DIS3L2: variants seen among roughly 807,000 people sequenced by gnomAD.
The protein encoded by DIS3L2 is DIS3 like 3'-5' exoribonuclease 2, also known as DIS3-like exonuclease 2.
Under a neutral mutation model 97.5 loss-of-function variants are expected in DIS3L2, and 34 were observed. The observed-to-expected ratio is 0.35, with a 90% CI of 0.27 to 0.46. The LOEUF is 0.46. DIS3L2 is among the 20% of genes least tolerant of loss of function. The pLI, the probability that DIS3L2 is intolerant of heterozygous loss-of-function variation, is 1.00. For synonymous variants in DIS3L2, 435 were observed against 445.2 expected, an observed-to-expected ratio of 0.98 and a Z score of 0.29; for missense variants, 1,038 against 1,146.0, an observed-to-expected ratio of 0.91 and a Z score of 1.36.
intron 8 of DIS3L2, among the ~76,000 whole-genome samples, chr2:232,153,709 G>A (rs1382205620): frequency 7.0e-6 from 1 of 143,206 alleles, no homozygotes; most frequent in Non-Finnish European, 1.5e-5. Context: ...GAGTATCTTT[G>A]TGGCGTTCTC....
At chr2:231,999,475 T>C (rs1356765531) in intron 1 of DIS3L2, among the ~76,000 whole-genome samples, 2 of 152,240 alleles carry the variant, frequency 1.3e-5, no homozygotes, top group Non-Finnish European at 2.9e-5. Context: ...TTATAAACCA[T>C]TGAGTTATAC....
At position 232,195,395 on chromosome 2, in the gene DIS3L2, A is replaced by G. The variant is rs532207186; in HGVS notation, c.1125-14931A>G. Among the ~76,000 whole-genome samples the G allele has an allele frequency of 7.2e-5, 11 of 152,302 alleles. No individual in the cohort carries two copies. The East Asian group carries it at 2.1e-3, about 29-fold the overall frequency. On this transcript the variant is annotated intron_variant, in intron 9 of 20. Coordinates refer to ENST00000325385, the MANE Select transcript of DIS3L2 (RefSeq NM_152383.5). ...CAGGTAGAGTTTTATTATTTCTCAAATCAGCCTCCCTGAAAATTCAGAGGC... is the reference window on the plus strand; with the variant it reads ...CAGGTAGAGTTTTATTATTTCTCAAGTCAGCCTCCCTGAAAATTCAGAGGC...
At chr2:232,234,719 T>A (rs77100339) in intron 10 of DIS3L2, among the ~76,000 whole-genome samples, 2,408 of 152,352 alleles carry the variant, frequency 0.016, 26 homozygotes, top group Middle Eastern at 0.044. Context: ...CCTCACTGAT[T>A]GCAGTTCAGC....
intron 5 of DIS3L2, among the ~76,000 whole-genome samples, chr2:232,048,257 T>G (rs1695297421): frequency 6.6e-6 from 1 of 152,248 alleles, no homozygotes; most frequent in African/African-American, 2.4e-5. Flanking sequence ...TAGTCCACTA[T>G]ATGAGCAGCA....
chr2:232,099,851 T>G (rs754440956), intron 6 of DIS3L2, among the ~76,000 whole-genome samples: 1 of 152,234 alleles, frequency 6.6e-6, no homozygotes, highest in Non-Finnish European at 1.5e-5. Context: ...CATGTAGATA[T>G]TCCTAATGCT....
chr2:232,313,302 T>C (rs1415009001), intron 14 of DIS3L2, among the ~76,000 whole-genome samples: 3 of 152,230 alleles, frequency 2.0e-5, no homozygotes, highest in Admixed American at 1.3e-4. Context: ...TTTTTAAGTT[T>C]TAAGTGGTGA....
At chr2:232,076,838 T>A (rs1214066167) in intron 5 of DIS3L2, among the ~76,000 whole-genome samples, 1 of 152,240 alleles carries the variant, frequency 6.6e-6, no homozygotes, top group East Asian at 1.9e-4. Context: ...GCCAGCTTTT[T>A]AGATTACATC....
intron 1 of DIS3L2, among the ~76,000 whole-genome samples, chr2:232,013,926 A>G (rs1241177753): frequency 6.6e-6 from 1 of 152,232 alleles, no homozygotes; most frequent in African/African-American, 2.4e-5. Context: ...TTAAAGAGAA[A>G]TTACATCATT....
In DIS3L2 at chr2:232,087,476, GT is replaced by G. The variant is rs758477681; in HGVS notation, c.367-7del. ...CTCAGTGATTTAGCAGAATTTTTCT[GT>G]TTTCTTTAGGTAGTTAAACCAGAGA... On this transcript the variant is annotated splice_polypyrimidine_tract_variant and intron_variant, in intron 5 of 20. Transcript: ENST00000325385. 6.5e-7 allele frequency: 1 copy of G among 1,535,200 alleles called. No homozygotes were observed. The highest frequency in any genetic ancestry group is 1.3e-5 in the South Asian group (1 of 78,556).
At chr2:231,994,799 T>C (rs1448535461) in intron 1 of DIS3L2, among the ~76,000 whole-genome samples, 1 of 151,652 alleles carries the variant, frequency 6.6e-6, no homozygotes, top group African/African-American at 2.4e-5. Context: ...TTTTCTTTTT[T>C]TCTTTCATTC....
intron 13 of DIS3L2, among the ~76,000 whole-genome samples, chr2:232,294,854 T>C (rs972168991): frequency 6.6e-6 from 1 of 152,340 alleles, no homozygotes; most frequent in Non-Finnish European, 1.5e-5. Context: ...GCGTGAGAGA[T>C]GCTTAGGACA....
At chr2:232,014,535 GT>G (rs1694300059) in intron 1 of DIS3L2, among the ~76,000 whole-genome samples, 1 of 152,014 alleles carries the variant, frequency 6.6e-6, no homozygotes, top group Non-Finnish European at 1.5e-5. Flanking sequence ...TTATATTTTT[GT>G]GCATTTCACA....
chr2:232,252,350 G>A (rs1242200491), intron 12 of DIS3L2, among the ~76,000 whole-genome samples: 1 of 152,064 alleles, frequency 6.6e-6, no homozygotes, highest in Non-Finnish European at 1.5e-5. Flanking sequence ...TGGAGGTTGC[G>A]GTGAGCTGAG....
chr2:232,189,087 C>G (rs925385586), intron 9 of DIS3L2, among the ~76,000 whole-genome samples: 2 of 152,028 alleles, frequency 1.3e-5, no homozygotes, highest in Admixed American at 1.3e-4. Flanking sequence ...TAAGCAATAC[C>G]AAGTGCTGGC....
rs1198264342 is a variant in DIS3L2, at chr2:232,268,584, A to G, written c.1659+5144A>G. Among the ~76,000 whole-genome samples, 1 of 152,230 alleles carries G rather than the reference A, an allele frequency of 6.6e-6. No homozygotes were observed. The highest frequency in any genetic ancestry group is 6.5e-5 in the Admixed American group (1 of 15,280). On this transcript the variant is annotated intron_variant, in intron 13 of 20. Transcript: ENST00000325385. The surrounding 1 kb of genome is among the most constrained non-coding windows in gnomAD (Gnocchi z 4.1). ...ATAAATGTGGCTGTGTTTCAACAAA[A>G]CTTTAAGAACACTGAGATTTGAATT... is the stretch of plus-strand genomic sequence containing the variant.
At chr2:232,008,536 A>G (rs1166065721) in intron 1 of DIS3L2, among the ~76,000 whole-genome samples, 1 of 152,056 alleles carries the variant, frequency 6.6e-6, no homozygotes, top group Non-Finnish European at 1.5e-5. Context: ...TGCTGGAAGC[A>G]CTCCACACGC....
chr2:232,189,953 G>A (rs1053934136), intron 9 of DIS3L2, among the ~76,000 whole-genome samples: 2 of 152,304 alleles, frequency 1.3e-5, no homozygotes, highest in African/African-American at 4.8e-5. Context: ...ATAATGTGAG[G>A]CACTTGGAAA....
intron 13 of DIS3L2, among the ~76,000 whole-genome samples, chr2:232,263,674 A>T (rs548917175): frequency 6.6e-6 from 1 of 152,316 alleles, no homozygotes; most frequent in African/African-American, 2.4e-5. Context: ...ACGAGGCCTA[A>T]TGACATGAGC....
chr2:232,263,128 A>G (rs1005805658), intron 12 of DIS3L2, 79 bp from the exon 13 acceptor site: 2 of 1,419,372 alleles, frequency 1.4e-6, no homozygotes, highest in South Asian at 2.5e-5. Context: ...TTGAATGTGT[A>G]TGGATGAATG....
Sources: allele counts gnomAD v4.1 joint callset (sites outside exome capture counted in the v4.1 genomes callset), GRCh38; gene constraint gnomAD v4.1.1; non-coding constraint Gnocchi (gnomAD v3.1); transcripts MANE v1.5; gene names NCBI Gene and HGNC (gene_info 2026-07-23, HGNC 2026-07-21).